CHCHD6: variants seen among roughly 807,000 people sequenced by gnomAD.
CHCHD6 encodes the protein MICOS complex subunit MIC25.
In CHCHD6, 28 loss-of-function variants were observed where a neutral mutation model predicts 32.3. The ratio of observed to expected loss-of-function variants is 0.87; its 90% CI spans 0.64 to 1.19. The LOEUF is 1.19. Ranked by LOEUF, CHCHD6 falls within the 50% of genes most tolerant of loss-of-function variation. The pLI is 0.00. For synonymous variants in CHCHD6, 122 were observed against 117.5 expected (o/e 1.04, Z -0.25); for missense variants, 333 against 307.0 (o/e 1.08, Z -0.63).
intron 5 of CHCHD6, among the ~76,000 whole-genome samples, chr3:126,866,645 A>G (rs554837043): frequency 1.3e-5 from 2 of 152,330 alleles, no homozygotes; most frequent in East Asian, 3.9e-4. Context: ...GATTGTTTGA[A>G]TCTGTATTAA....
At chr3:126,891,165 C>T (rs188294602) in intron 5 of CHCHD6, among the ~76,000 whole-genome samples, 1 of 152,224 alleles carries the variant, frequency 6.6e-6, no homozygotes, top group Non-Finnish European at 1.5e-5. Flanking sequence ...GTATCAGGTG[C>T]CGGTGGGGTG....
intron 5 of CHCHD6, among the ~76,000 whole-genome samples, chr3:126,860,550 C>T (rs1271863544): frequency 6.6e-6 from 1 of 152,090 alleles, no homozygotes; most frequent in Non-Finnish European, 1.5e-5. Context: ...ACATATGTAA[C>T]AAACCTGCAT....
At chr3:126,763,806 A>G (rs993410293) in intron 4 of CHCHD6, among the ~76,000 whole-genome samples, 3 of 152,186 alleles carry the variant, frequency 2.0e-5, no homozygotes, top group African/African-American at 7.2e-5. Context: ...ACCAGAGGCT[A>G]TGGGAGAGGA....
chr3:126,850,086 T>C (rs1003607859), intron 4 of CHCHD6, among the ~76,000 whole-genome samples: 1 of 152,252 alleles, frequency 6.6e-6, no homozygotes, highest in Non-Finnish European at 1.5e-5. Flanking sequence ...ACAGCCATTT[T>C]TCGTGTCACC....
intron 1 of CHCHD6, among the ~76,000 whole-genome samples, chr3:126,718,923 A>G (rs922370442): frequency 6.6e-6 from 1 of 152,230 alleles, no homozygotes; most frequent in African/African-American, 2.4e-5. Flanking sequence ...GCAACATAAA[A>G]AAAATTACAA....
chr3:126,838,009 C>G (rs1447853345), intron 4 of CHCHD6, among the ~76,000 whole-genome samples: 2 of 152,178 alleles, frequency 1.3e-5, no homozygotes, highest in African/African-American at 4.8e-5. Context: ...CCATGGGCAC[C>G]ATGTCCACAG....
At chr3:126,729,739 C>T (rs749988108) in intron 2 of CHCHD6, among the ~76,000 whole-genome samples, 10 of 152,116 alleles carry the variant, frequency 6.6e-5, no homozygotes, top group Non-Finnish European at 1.0e-4. Flanking sequence ...GGGGTGGAGT[C>T]GCACACCCTC....
At chr3:126,842,275 C>A (rs966776759) in intron 4 of CHCHD6, among the ~76,000 whole-genome samples, 3 of 152,108 alleles carry the variant, frequency 2.0e-5, no homozygotes, top group African/African-American at 7.2e-5. Context: ...TGGGCCCATC[C>A]CAGATCCAAA....
At chr3:126,797,153 C>T (rs993895257) in intron 4 of CHCHD6, among the ~76,000 whole-genome samples, 1 of 152,158 alleles carries the variant, frequency 6.6e-6, no homozygotes, top group Non-Finnish European at 1.5e-5. Flanking sequence ...AGGAGAGGGG[C>T]TGTCTGAGGC....
chr3:126,900,718 C>G (rs2077913055), intron 5 of CHCHD6, among the ~76,000 whole-genome samples: 1 of 151,114 alleles, frequency 6.6e-6, no homozygotes, highest in African/African-American at 2.4e-5. Context: ...GATTCTCCTG[C>G]CTCAGCCTCC....
chr3:126,933,464 A>G (rs2078434844), intron 6 of CHCHD6, among the ~76,000 whole-genome samples: 1 of 152,202 alleles, frequency 6.6e-6, no homozygotes, highest in Non-Finnish European at 1.5e-5. Context: ...TCATGGTCCT[A>G]CAGGCTGTAC....
intron 4 of CHCHD6, among the ~76,000 whole-genome samples, chr3:126,776,919 C>A (rs1937674858): frequency 6.6e-6 from 1 of 152,166 alleles, no homozygotes; most frequent in Non-Finnish European, 1.5e-5. Flanking sequence ...CCCCAGGCCA[C>A]ACTTCTAGAA....
intron 5 of CHCHD6, among the ~76,000 whole-genome samples, chr3:126,852,970 T>C (rs1941528275): frequency 6.6e-6 from 1 of 152,210 alleles, no homozygotes; most frequent in African/African-American, 2.4e-5. Context: ...CCCACCTTTT[T>C]TTGTTGAATG....
At chr3:126,876,379 C>G (rs948569629) in intron 5 of CHCHD6, among the ~76,000 whole-genome samples, 7 of 152,168 alleles carry the variant, frequency 4.6e-5, no homozygotes, top group Admixed American at 1.3e-4. Flanking sequence ...AAACGGGCCT[C>G]CATTGCCAGA....
chr3:126,888,433 C>T (rs2077707559), intron 5 of CHCHD6, among the ~76,000 whole-genome samples: 1 of 152,212 alleles, frequency 6.6e-6, no homozygotes, highest in African/African-American at 2.4e-5. Context: ...TTCTGTTGCA[C>T]TTAATTGTAT....
Position 126,959,998 on chromosome 3 carries a change from C to T in CHCHD6, c.703-198C>T, listed in dbSNP as rs80100167. Reference sequence around the variant, plus strand: ...GTCACTGTCGTGTGGAGTGAGGGCCCGTCCCCTGTTGCTGGGGACTGTGCT... The same window carrying T: ...GTCACTGTCGTGTGGAGTGAGGGCCTGTCCCCTGTTGCTGGGGACTGTGCT... On this transcript the variant is annotated intron_variant, in intron 7 of 7. Transcript: ENST00000290913. Among the ~76,000 whole-genome samples, 206 of 152,250 alleles carry T rather than the reference C, an allele frequency of 1.4e-3. 1 individual carries two copies. The East Asian group carries it at 0.036, about 26-fold the overall frequency.
chr3:126,856,079 T>G (rs1415431556), intron 5 of CHCHD6, among the ~76,000 whole-genome samples: 1 of 152,158 alleles, frequency 6.6e-6, no homozygotes, highest in Non-Finnish European at 1.5e-5. Context: ...AGAATTGTCT[T>G]GGGCCACACA....
intron 1 of CHCHD6, among the ~76,000 whole-genome samples, chr3:126,712,200 G>C (rs61278223): frequency 0.017 from 2,588 of 152,178 alleles, 73 homozygotes; most frequent in African/African-American, 0.058. Flanking sequence ...TGACAGCAGG[G>C]GACTGTCTAC....
intron 5 of CHCHD6, among the ~76,000 whole-genome samples, chr3:126,865,134 TCCACCA>T (rs1184461158): frequency 1.1e-4 from 11 of 98,930 alleles, no homozygotes; most frequent in South Asian, 7.5e-4. Context: ...CTCCTCCTCC[TCCACCA>T]CCACCTCCTT....
Sources: allele counts gnomAD v4.1 joint callset (sites outside exome capture counted in the v4.1 genomes callset), GRCh38; gene constraint gnomAD v4.1.1; transcripts MANE v1.5; gene names NCBI Gene and HGNC (gene_info 2026-07-23, HGNC 2026-07-21).